The following DISC1 variants were observed in gnomAD, a reference collection of about 807,000 sequenced individuals.
The protein encoded by DISC1 is disrupted in schizophrenia 1 protein.
Under a neutral mutation model 84.5 loss-of-function variants are expected in DISC1, and 57 were observed. The observed-to-expected ratio is 0.67, with a 90% confidence interval of 0.55 to 0.84. The LOEUF (loss-of-function observed/expected upper bound fraction) is 0.84. Ranked by LOEUF, DISC1 falls within the 40% of genes least tolerant of loss-of-function variation. DISC1 has a pLI of 0.00. For synonymous variants in DISC1, 411 were observed against 415.2 expected, an observed-to-expected ratio of 0.99 and a Z score of 0.12; for missense variants, 1,000 against 1,057.8, an observed-to-expected ratio of 0.95 and a Z score of 0.76.
chr1:232,009,263 C>A lies in DISC1; in HGVS notation c.2307+214C>A, dbSNP rs1287829404. The stretch of plus-strand genomic sequence containing the variant: ...AAGAGCAAAAAAACCCAACTTTTGG[C>A]ATATTTAGTTCCATTTTCATTCTAA... On this transcript the variant is annotated intron_variant, in intron 11 of 12. Coordinates refer to ENST00000439617, the MANE Select transcript of DISC1 (RefSeq NM_018662.3). This position sits in a 1 kb window ranked among gnomAD's most constrained non-coding sequence, Gnocchi z 4.6. The A allele has an allele frequency of 7.3e-7, 1 of 1,364,096 alleles. No homozygotes were observed. The highest frequency in any genetic ancestry group is 1.5e-5 in the African/African-American group (1 of 68,294). 84.5% of individuals were successfully genotyped at this position (1,364,096 alleles called of 1,614,324 possible). A position where few individuals can be genotyped will look rare whatever the true frequency, so the allele number is the denominator to read the frequency against.
At position 231,656,905 on chromosome 1, in the gene DISC1, G is replaced by A. The variant is rs549216296; in HGVS notation, c.67+29971G>A. 3.3e-5 allele frequency among the ~76,000 whole-genome samples: 5 copies of A among 152,262 alleles called. No homozygotes were observed. The East Asian group carries it at 7.7e-4, about 23-fold the overall frequency. On this transcript the variant is annotated intron_variant, in intron 1 of 12. Transcript: ENST00000439617. ...TCTTTGGTTTTCTGTTCCTGTGTTA[G>A]TTTCTGGAGGATAATGGCTTCCAAC...
chr1:231,834,275 T>G (rs562174575), intron 9 of DISC1, among the ~76,000 whole-genome samples: 1 of 151,842 alleles, frequency 6.6e-6, no homozygotes, highest in African/African-American at 2.4e-5. Flanking sequence ...GGACCTAGCT[T>G]GGCCTGGTGA....
At chr1:231,664,266 T>G (rs1320862458) in intron 1 of DISC1, among the ~76,000 whole-genome samples, 1 of 152,162 alleles carries the variant, frequency 6.6e-6, no homozygotes, top group Non-Finnish European at 1.5e-5. Context: ...ATTTTAAACA[T>G]CTACAATATT....
At chr1:231,749,600 T>C (rs1367638704) in intron 3 of DISC1, among the ~76,000 whole-genome samples, 1 of 152,212 alleles carries the variant, frequency 6.6e-6, no homozygotes, top group Non-Finnish European at 1.5e-5. Context: ...ATAGTTTTTT[T>C]CCCCAAAATG....
intron 1 of DISC1, among the ~76,000 whole-genome samples, chr1:231,636,437 C>T (rs867716645): frequency 6.6e-6 from 1 of 152,166 alleles, no homozygotes; most frequent in Admixed American, 6.5e-5. Context: ...GAGCGCTGCA[C>T]TCCCTCCTAA....
At chr1:231,832,997 A>G (rs1374058978) in intron 9 of DISC1, among the ~76,000 whole-genome samples, 5 of 115,320 alleles carry the variant, frequency 4.3e-5, no homozygotes, top group South Asian at 2.9e-4. Flanking sequence ...ATGAGATGGT[A>G]AGGGGTGCAT....
At chr1:231,764,964 G>A (rs1340370942) in intron 4 of DISC1, among the ~76,000 whole-genome samples, 1 of 152,044 alleles carries the variant, frequency 6.6e-6, no homozygotes, top group East Asian at 1.9e-4. Context: ...GGCCGAGGTG[G>A]GCGGATCATC....
At chr1:232,022,950 ATCT>A (rs1309229194) in intron 11 of DISC1, among the ~76,000 whole-genome samples, 7 of 152,240 alleles carry the variant, frequency 4.6e-5, no homozygotes, top group African/African-American at 1.2e-4. Context: ...TGCCAGACAG[ATCT>A]TCTCTTAGCA....
chr1:231,722,643 C>A (rs2125112777), intron 3 of DISC1: 2 of 1,613,648 alleles, frequency 1.2e-6, no homozygotes, highest in East Asian at 4.5e-5. Flanking sequence ...AAATAGATAT[C>A]CACACAGCGT....
intron 10 of DISC1, among the ~76,000 whole-genome samples, chr1:232,005,219 A>C (rs1205964114): frequency 6.6e-6 from 1 of 152,006 alleles, no homozygotes; most frequent in Non-Finnish European, 1.5e-5. Context: ...CCTCACCATC[A>C]AGAAATAAAA....
chr1:231,883,994 G>A (rs1027814560), intron 9 of DISC1, among the ~76,000 whole-genome samples: 3 of 152,096 alleles, frequency 2.0e-5, no homozygotes, highest in Admixed American at 1.3e-4. Context: ...GACAAATCCT[G>A]AGGGTCCCTT....
intron 1 of DISC1, among the ~76,000 whole-genome samples, chr1:231,645,312 C>T (rs2060030939): frequency 6.6e-6 from 1 of 152,080 alleles, no homozygotes; most frequent in African/African-American, 2.4e-5. Flanking sequence ...AAAGCCTGGC[C>T]ATAGCTCCCA....
chr1:231,867,411 C>G (rs1458727230), intron 9 of DISC1, among the ~76,000 whole-genome samples: 1 of 152,094 alleles, frequency 6.6e-6, no homozygotes, highest in East Asian at 1.9e-4. Context: ...TAGCTAGACC[C>G]TGGAGGCTGT....
chr1:231,780,176 A>T (rs1029102848), intron 6 of DISC1, among the ~76,000 whole-genome samples: 2 of 149,668 alleles, frequency 1.3e-5, no homozygotes, highest in Non-Finnish European at 3.0e-5. Context: ...AGCATGGCAC[A>T]TGTATAAATA....
rs190540746 is a variant in DISC1 at position 231,648,678 on chromosome 1, A to G, written c.67+21744A>G. The stretch of plus-strand genomic sequence containing the variant: ...TCTGGTAGAATTCGGCTGTGAACCC[A>G]TCTGGTCCTGGACTTTTTTTGGTTG... On this transcript the variant is annotated intron_variant, in intron 1 of 12. Coordinates refer to ENST00000439617, the MANE Select transcript of DISC1 (RefSeq NM_018662.3). Among the ~76,000 whole-genome samples, 430 of 151,910 alleles carry G rather than the reference A, an allele frequency of 2.8e-3. 7 individuals carry two copies. Among genetic ancestry groups the G allele is most frequent in the East Asian group, 9.7e-3 (50 of 5,164 alleles).
At chr1:231,785,095 G>C (rs1240829779) in intron 6 of DISC1, among the ~76,000 whole-genome samples, 1 of 151,946 alleles carries the variant, frequency 6.6e-6, no homozygotes, top group South Asian at 2.1e-4. Context: ...AAAGAAAAAG[G>C]CCAAGTAGAT....
chr1:231,992,375 G>A (rs1218086393), intron 10 of DISC1, among the ~76,000 whole-genome samples: 1 of 151,688 alleles, frequency 6.6e-6, no homozygotes, highest in African/African-American at 2.4e-5. Context: ...TTTACTTCTT[G>A]ACTTTCAAAA....
chr1:231,714,963 A>G (rs1335348804), intron 3 of DISC1, among the ~76,000 whole-genome samples: 1 of 152,252 alleles, frequency 6.6e-6, no homozygotes, highest in Non-Finnish European at 1.5e-5. Flanking sequence ...ACTTGTGGGC[A>G]TATTTTAAAA....
intron 1 of DISC1, among the ~76,000 whole-genome samples, chr1:231,643,345 A>T (rs2059881483): frequency 6.6e-6 from 1 of 152,154 alleles, no homozygotes; most frequent in Non-Finnish European, 1.5e-5. Flanking sequence ...GTGAGGCAAT[A>T]ACTAGTAAAA....
Sources: gnomAD v4.1 joint callset for allele counts (sites outside exome capture counted in the v4.1 genomes callset) on GRCh38, gnomAD v4.1.1 for gene constraint, Gnocchi (gnomAD v3.1) non-coding constraint, MANE v1.5 for transcripts, NCBI Gene and HGNC (gene_info 2026-07-23, HGNC 2026-07-21) for gene names.